CCDC12: variants seen among roughly 807,000 people sequenced by gnomAD.
The protein encoded by CCDC12 is coiled-coil domain-containing protein 12.
A neutral mutation model predicts 25.7 loss-of-function variants in CCDC12; 28 were observed. The ratio of observed to expected loss-of-function variants is 1.09; its 90% CI spans 0.81 to 1.50. The LOEUF (loss-of-function observed/expected upper bound fraction) is 1.50. CCDC12 is among the 40% of genes most tolerant of loss of function. The pLI, the probability that CCDC12 is intolerant of heterozygous loss-of-function variation, is 0.00. For missense variants in CCDC12, 198 were observed against 210.0 expected, an observed-to-expected ratio of 0.94 and a Z score of 0.35; for synonymous variants, 75 against 87.7, an observed-to-expected ratio of 0.86 and a Z score of 0.81.
intron 1 of CCDC12, among the ~76,000 whole-genome samples, chr3:46,942,367 C>T (rs1479831463): frequency 1.1e-4 from 16 of 152,378 alleles, no homozygotes; most frequent in African/African-American, 3.4e-4. Flanking sequence ...ACTATGGCAG[C>T]GTCCTGCCTT....
chr3:46,955,820 A>T (rs1363978523), intron 1 of CCDC12, among the ~76,000 whole-genome samples: 1 of 152,268 alleles, frequency 6.6e-6, no homozygotes, highest in Non-Finnish European at 1.5e-5. Context: ...GCAGAAGAGC[A>T]GCTGTCTCTG....
At chr3:46,928,820 G>A (rs963324263) in intron 2 of CCDC12, among the ~76,000 whole-genome samples, 51 of 152,138 alleles carry the variant, frequency 3.4e-4, no homozygotes, top group African/African-American at 1.0e-3. Context: ...TGGAATTGCA[G>A]GGAAAAAATA....
intron 2 of CCDC12, chr3:46,940,578 C>A: frequency 5.8e-6 from 1 of 172,886 alleles, no homozygotes; most frequent in South Asian, 1.5e-4. Flanking sequence ...CCAGAGGTGG[C>A]AAGGGCCGAC....
chr3:46,954,841 T>C (rs1186704038), intron 1 of CCDC12, among the ~76,000 whole-genome samples: 4 of 152,034 alleles, frequency 2.6e-5, no homozygotes, highest in Non-Finnish European at 5.9e-5. Flanking sequence ...GAGAATCGCT[T>C]GAAACCAGAA....
At chr3:46,923,407 AG>A in intron 4 of CCDC12, 44 bp from the exon 5 acceptor site, 1 of 1,548,472 alleles carries the variant, frequency 6.5e-7, no homozygotes, top group Non-Finnish European at 8.7e-7. Flanking sequence ...GGGCCACCCC[AG>A]GACAAGGGGG....
intron 2 of CCDC12, among the ~76,000 whole-genome samples, chr3:46,934,227 A>G (rs182547699): frequency 6.0e-4 from 92 of 152,370 alleles, no homozygotes; most frequent in African/African-American, 2.2e-3. Flanking sequence ...AGGGGCCTGC[A>G]TAGCCCACTG....
At chr3:46,976,324 T>C (rs2034987299) in intron 1 of CCDC12, 2 of 1,271,048 alleles carry the variant, frequency 1.6e-6, no homozygotes, top group East Asian at 3.8e-5. Context: ...AACAAGCATC[T>C]GAACCTACAG....
rs997399396 is a variant in CCDC12, at chr3:46,976,427, G to A, written c.96+210C>T. The A allele has an allele frequency of 1.6e-5, 23 of 1,415,982 alleles. No homozygotes were observed. The South Asian group carries it at 3.4e-4, about 21-fold the overall frequency. 87.7% of individuals were successfully genotyped at this position (1,415,982 alleles called of 1,614,324 possible). ...CACTGCCTTGCCCACCCCCGCGCAT[G>A]CGCGACGACCGCACCAGCGCCAGAG... On this transcript the variant is annotated intron_variant, in intron 1 of 6. Coordinates refer to ENST00000683445, the MANE Select transcript of CCDC12 (RefSeq NM_001277074.2).
intron 2 of CCDC12, among the ~76,000 whole-genome samples, chr3:46,939,421 G>A (rs936017069): frequency 6.6e-6 from 1 of 151,880 alleles, no homozygotes; most frequent in Non-Finnish European, 1.5e-5. Flanking sequence ...CTGGAACTCA[G>A]GCTCCAGCCA....
At chr3:46,946,286 G>A (rs567241579) in intron 1 of CCDC12, among the ~76,000 whole-genome samples, 1 of 152,350 alleles carries the variant, frequency 6.6e-6, no homozygotes, top group African/African-American at 2.4e-5. Context: ...CTACTCAAAG[G>A]ATCAGACTTA....
intron 1 of CCDC12, among the ~76,000 whole-genome samples, chr3:46,963,147 CCA>C (rs1444083085): frequency 6.6e-6 from 1 of 152,186 alleles, no homozygotes; most frequent in Non-Finnish European, 1.5e-5. Context: ...TGTTACAAGT[CCA>C]GAGTGGTTCC....
intron 3 of CCDC12, chr3:46,924,881 G>A: frequency 6.1e-6 from 1 of 164,884 alleles, no homozygotes; most frequent in Admixed American, 6.1e-5. Flanking sequence ...ACCCTCCAGG[G>A]CAAGGGCCCA....
chr3:46,930,219 A>G (rs1449143618), intron 2 of CCDC12, among the ~76,000 whole-genome samples: 1 of 152,064 alleles, frequency 6.6e-6, no homozygotes, highest in African/African-American at 2.4e-5. Context: ...TAGTTTCCGG[A>G]ATTTCTAATC....
At chr3:46,970,240 C>T (rs1341948210) in intron 1 of CCDC12, among the ~76,000 whole-genome samples, 1 of 151,706 alleles carries the variant, frequency 6.6e-6, no homozygotes, top group East Asian at 1.9e-4. Context: ...CAGCCCAACA[C>T]AAATTCGTAA....
chr3:46,963,203 A>G (rs1342786854), intron 1 of CCDC12, among the ~76,000 whole-genome samples: 1 of 152,300 alleles, frequency 6.6e-6, no homozygotes, highest in South Asian at 2.1e-4. Context: ...GGATGTTATC[A>G]TGTTTCTTGA....
At chr3:46,961,179 G>A (rs1218780031) in intron 1 of CCDC12, among the ~76,000 whole-genome samples, 1 of 152,002 alleles carries the variant, frequency 6.6e-6, no homozygotes, top group Non-Finnish European at 1.5e-5. Flanking sequence ...CGCTGGAGGT[G>A]GGTTGGAGGT....
chr3:46,940,726 G>C (rs774214521), intron 2 of CCDC12: 60 of 477,798 alleles, frequency 1.3e-4, no homozygotes, highest in Non-Finnish European at 2.6e-5. Context: ...AGGTGTATGA[G>C]AAGGGTAAAA....
At chr3:46,948,715 G>A (rs2034000727) in intron 1 of CCDC12, among the ~76,000 whole-genome samples, 1 of 152,238 alleles carries the variant, frequency 6.6e-6, no homozygotes, top group Admixed American at 6.5e-5. Context: ...CATCCATATG[G>A]CACCTCAAGG....
intron 1 of CCDC12, among the ~76,000 whole-genome samples, chr3:46,963,117 G>C (rs1415580212): frequency 6.6e-6 from 1 of 152,224 alleles, no homozygotes; most frequent in Admixed American, 6.5e-5. Flanking sequence ...AGGTTCAAAA[G>C]GAAGGAAGGC....
Sources: allele counts gnomAD v4.1 joint callset (sites outside exome capture counted in the v4.1 genomes callset), GRCh38; gene constraint gnomAD v4.1.1; transcripts MANE v1.5; gene names NCBI Gene and HGNC (gene_info 2026-07-23, HGNC 2026-07-21).